Variants in ZFTRAF1 observed in about 807,000 individuals in gnomAD.
The protein encoded by ZFTRAF1 is zinc finger TRAF-type and ring finger containing 1, also known as zinc finger TRAF-type-containing protein 1.
the ZFTRAF1 span, among the ~76,000 whole-genome samples, chr8:144,460,875 C>T: frequency 6.6e-6 from 1 of 152,080 alleles, no homozygotes; most frequent in Admixed American, 6.5e-5. Flanking sequence ...CAGAGTGAGA[C>T]TCCGTCTCAA....
chr8:144,452,477 G>A, the ZFTRAF1 span: 1 of 1,547,962 alleles, frequency 6.5e-7, no homozygotes, highest in East Asian at 2.4e-5. Flanking sequence ...TGCCTGTCTT[G>A]GTCGGGTGGG....
At chr8:144,451,056 C>A in the ZFTRAF1 span, 5 of 384,290 alleles carry the variant, frequency 1.3e-5, no homozygotes, top group Non-Finnish European at 1.9e-5. Context: ...CCCACGCTGG[C>A]CTCCCTCACC....
chr8:144,452,027 G>T, the ZFTRAF1 span: 1 of 391,920 alleles, frequency 2.6e-6, no homozygotes, highest in Non-Finnish European at 4.9e-6. Flanking sequence ...CCACTTTCTG[G>T]TTAGACCCTG....
At chr8:144,458,510 A>G in the ZFTRAF1 span, among the ~76,000 whole-genome samples, 2 of 152,168 alleles carry the variant, frequency 1.3e-5, no homozygotes, top group Non-Finnish European at 2.9e-5. Context: ...CTCCTTGGAC[A>G]TGTGGATGGT....
the ZFTRAF1 span, chr8:144,452,632 T>A: frequency 6.9e-7 from 1 of 1,457,276 alleles, no homozygotes; most frequent in Non-Finnish European, 9.2e-7. Flanking sequence ...CAACAAGCTG[T>A]CCTCCCATAT....
the ZFTRAF1 span, among the ~76,000 whole-genome samples, chr8:144,458,376 G>A: frequency 6.6e-6 from 1 of 152,246 alleles, no homozygotes; most frequent in Non-Finnish European, 1.5e-5. Context: ...CCTTGCTCCT[G>A]TGTTTTAGAT....
chr8:144,452,537 G>A, the ZFTRAF1 span: 5 of 1,539,450 alleles, frequency 3.2e-6, no homozygotes, highest in South Asian at 4.8e-5. Flanking sequence ...CGTGCCATGG[G>A]CAGCCGATGC....
At chr8:144,460,430 G>A in the ZFTRAF1 span, among the ~76,000 whole-genome samples, 7 of 152,234 alleles carry the variant, frequency 4.6e-5, no homozygotes, top group African/African-American at 1.4e-4. Context: ...AGTCTAGATG[G>A]GGGATGCAGT....
the ZFTRAF1 span, chr8:144,457,525 C>T: frequency 6.6e-6 from 1 of 152,184 alleles, no homozygotes; most frequent in African/African-American, 2.4e-5. Flanking sequence ...GATGCTGATA[C>T]ACACAGGTGG....
chr8:144,453,689 CA>C, the ZFTRAF1 span: 5 of 546,064 alleles, frequency 9.2e-6, no homozygotes, highest in African/African-American at 9.5e-5. Context: ...GTCCTAAAAG[CA>C]AGGCCTCATC....
the ZFTRAF1 span, chr8:144,450,287 G>A: frequency 2.9e-3 from 1,878 of 651,720 alleles, 6 homozygotes; most frequent in Non-Finnish European, 4.7e-3. Context: ...AAAGTGATCA[G>A]ATAGTCCTGT....
chr8:144,459,244 G>T, the ZFTRAF1 span, among the ~76,000 whole-genome samples: 1 of 152,224 alleles, frequency 6.6e-6, no homozygotes, highest in Non-Finnish European at 1.5e-5. Flanking sequence ...CGGCAGGAAC[G>T]ACCTGACCAC....
chr8:144,452,209 G>C, the ZFTRAF1 span: 1 of 880,074 alleles, frequency 1.1e-6, no homozygotes, highest in South Asian at 1.4e-5. Context: ...CTCGACCGAG[G>C]TGTCCACCTG....
At chr8:144,450,329 C>G in the ZFTRAF1 span, 1 of 690,686 alleles carries the variant, frequency 1.4e-6, no homozygotes, top group Non-Finnish European at 2.7e-6. Context: ...GACAGGGCAG[C>G]GGTGCTGGGA....
chr8:144,460,658 G>A, the ZFTRAF1 span, among the ~76,000 whole-genome samples: 2 of 152,218 alleles, frequency 1.3e-5, no homozygotes, highest in South Asian at 4.1e-4. Context: ...CGAGGCAGGC[G>A]GATCACCCAA....
chr8:144,460,683 G>A, the ZFTRAF1 span, among the ~76,000 whole-genome samples: 1 of 152,228 alleles, frequency 6.6e-6, no homozygotes. Flanking sequence ...AGGAGTTCGA[G>A]ACCAGCCTGG....
chr8:144,461,008 G>A, the ZFTRAF1 span, among the ~76,000 whole-genome samples: 1 of 152,232 alleles, frequency 6.6e-6, no homozygotes, highest in African/African-American at 2.4e-5. Flanking sequence ...TGCTAACTCT[G>A]GGAGCCAGTG....
the ZFTRAF1 span, among the ~76,000 whole-genome samples, chr8:144,460,027 C>T: frequency 1.3e-5 from 2 of 152,228 alleles, no homozygotes; most frequent in South Asian, 4.1e-4. Flanking sequence ...GGGGCCCACA[C>T]CATCTGTGCC....
the ZFTRAF1 span, chr8:144,453,486 G>A: frequency 3.3e-6 from 5 of 1,535,942 alleles, no homozygotes; most frequent in South Asian, 1.2e-5. Flanking sequence ...GGGAGACGAA[G>A]CTCACAGACC....
Sources: gnomAD v4.1 joint callset for allele counts (sites outside exome capture counted in the v4.1 genomes callset) on GRCh38, gnomAD v4.1.1 for gene constraint, MANE v1.5 for transcripts, NCBI Gene and HGNC (gene_info 2026-07-23, HGNC 2026-07-21) for gene names.